The following DSCAM variants were observed in gnomAD, a reference collection of about 807,000 sequenced individuals.
DSCAM encodes cell adhesion molecule DSCAM.
A neutral mutation model predicts 217.7 loss-of-function variants in DSCAM; 47 were observed. The ratio of observed to expected loss-of-function variants is 0.22; its 90% CI spans 0.17 to 0.28. DSCAM has a LOEUF of 0.28. Among genes scored for constraint, DSCAM ranks in the 10% least tolerant of loss-of-function variants. The pLI is 1.00. For missense variants in DSCAM, 2,080 were observed against 2,618.3 expected (o/e 0.79, Z 4.49); for synonymous variants, 1,056 against 1,015.3 (o/e 1.04, Z -0.76).
At chr21:40,254,953 A>G (rs7275829) in intron 11 of DSCAM, among the ~76,000 whole-genome samples, 14,027 of 151,994 alleles carry the variant, frequency 0.092, 1,498 homozygotes, top group African/African-American at 0.24. Flanking sequence ...TCATCTGCTG[A>G]TATGATTAAT....
At chr21:40,542,023 A>T (rs2076546428) in intron 3 of DSCAM, among the ~76,000 whole-genome samples, 1 of 152,226 alleles carries the variant, frequency 6.6e-6, no homozygotes, top group Non-Finnish European at 1.5e-5. Context: ...TACACAAAAG[A>T]GCATGGAGAA....
chr21:40,619,208 T>C (rs991463285), intron 3 of DSCAM, among the ~76,000 whole-genome samples: 1 of 152,200 alleles, frequency 6.6e-6, no homozygotes, highest in African/African-American at 2.4e-5. Flanking sequence ...CATTCTGAGA[T>C]GAATGTCAGA....
chr21:40,612,568 G>A (rs1374783010), intron 3 of DSCAM, among the ~76,000 whole-genome samples: 3 of 152,176 alleles, frequency 2.0e-5, no homozygotes, highest in Admixed American at 6.5e-5. Flanking sequence ...AGAGGTCCTA[G>A]GCATCCTGGA....
At chr21:40,580,570 T>G (rs1275209879) in intron 3 of DSCAM, among the ~76,000 whole-genome samples, 2 of 151,496 alleles carry the variant, frequency 1.3e-5, no homozygotes, top group African/African-American at 2.4e-5. Context: ...CTGAGAACGT[T>G]AAAAAGAAGG....
intron 6 of DSCAM, among the ~76,000 whole-genome samples, chr21:40,341,642 G>A (rs1166546551): frequency 6.6e-6 from 1 of 152,168 alleles, no homozygotes; most frequent in Non-Finnish European, 1.5e-5. Context: ...CTTAGGATGT[G>A]CTGGTTTTGC....
chr21:40,134,071 G>T (rs76206312), intron 18 of DSCAM, 62 bp from the exon 19 acceptor site: 21 of 1,552,368 alleles, frequency 1.4e-5, no homozygotes, highest in Admixed American at 1.9e-5. Flanking sequence ...TCGTTTTTCC[G>T]CACTGTCCCC....
intron 10 of DSCAM, among the ~76,000 whole-genome samples, chr21:40,284,723 G>A (rs946490019): frequency 4.6e-5 from 7 of 152,290 alleles, no homozygotes; most frequent in East Asian, 3.9e-4. Context: ...TTAAAGGGCC[G>A]CGCAGTTTGT....
rs1181483451 is a variant in DSCAM at position 40,024,477 on chromosome 21, C to T, written c.5687-11091G>A. 5.2e-5 allele frequency among the ~76,000 whole-genome samples: 4 copies of T among 76,352 alleles called. 2 individuals are homozygous for T. Among genetic ancestry groups the T allele is most frequent in the Non-Finnish European group, 1.1e-4 (4 of 35,026 alleles). The allele number at this position is 76,352 out of a possible 152,430, so 50.1% of individuals were successfully genotyped here. A position where few individuals can be genotyped will look rare whatever the true frequency, so the allele number is the denominator to read the frequency against. ...ACCTTGGGCAGTATGGCCATTTTCA[C>T]GATATTGATTCTTCCTACCCATGAG... On this transcript the variant is annotated intron_variant, in intron 32 of 32. Transcript: ENST00000400454.
At chr21:40,222,680 G>T (rs1260270242) in intron 11 of DSCAM, among the ~76,000 whole-genome samples, 5 of 151,764 alleles carry the variant, frequency 3.3e-5, no homozygotes, top group Admixed American at 1.3e-4. Flanking sequence ...TCTAAAAATA[G>T]TTTATTAAGA....
At chr21:40,739,353 T>C (rs1229987018) in intron 1 of DSCAM, among the ~76,000 whole-genome samples, 1 of 152,168 alleles carries the variant, frequency 6.6e-6, no homozygotes, top group Non-Finnish European at 1.5e-5. Context: ...ATGTATTCTT[T>C]GACAACAACT....
intron 3 of DSCAM, among the ~76,000 whole-genome samples, chr21:40,394,858 G>C (rs755666632): frequency 4.6e-5 from 7 of 152,170 alleles, no homozygotes; most frequent in Non-Finnish European, 1.0e-4. Context: ...TACTAAGAGA[G>C]ATTAGGATAG....
chr21:40,386,137 C>CTTTTTTTATT, intron 3 of DSCAM, among the ~76,000 whole-genome samples: 1 of 152,310 alleles, frequency 6.6e-6, no homozygotes, highest in African/African-American at 2.4e-5. Flanking sequence ...GATCTTAACA[C>CTTTTTTTATT]TGTGCTTTTA....
intron 1 of DSCAM, among the ~76,000 whole-genome samples, chr21:40,754,200 T>C (rs2091254083): frequency 6.6e-6 from 1 of 152,204 alleles, no homozygotes; most frequent in African/African-American, 2.4e-5. Context: ...GTTCTCCTGA[T>C]TTTATCAGCA....
intron 19 of DSCAM, among the ~76,000 whole-genome samples, chr21:40,126,299 A>G (rs2090093043): frequency 6.6e-6 from 1 of 151,998 alleles, no homozygotes; most frequent in Non-Finnish European, 1.5e-5. Context: ...GAGGGAAGGA[A>G]GAAGGGAAGA....
intron 10 of DSCAM, among the ~76,000 whole-genome samples, chr21:40,292,936 C>G (rs564248312): frequency 4.6e-5 from 7 of 152,064 alleles, no homozygotes; most frequent in Non-Finnish European, 1.0e-4. Flanking sequence ...CGGGGTTTCA[C>G]CGTGTTAGCC....
chr21:40,232,887 T>C (rs763490283), intron 11 of DSCAM, among the ~76,000 whole-genome samples: 5 of 152,100 alleles, frequency 3.3e-5, no homozygotes, highest in Non-Finnish European at 7.4e-5. Context: ...TTATAAGTTA[T>C]TAAGATGCCC....
chr21:40,760,252 A>C (rs2091319489), intron 1 of DSCAM, among the ~76,000 whole-genome samples: 4 of 152,056 alleles, frequency 2.6e-5, no homozygotes, highest in Admixed American at 2.0e-4. Flanking sequence ...TCTTGACCTC[A>C]TGATCTGCCC....
chr21:40,113,836 C>T (rs1267968549), intron 20 of DSCAM, among the ~76,000 whole-genome samples: 1 of 152,040 alleles, frequency 6.6e-6, no homozygotes, highest in African/African-American at 2.4e-5. Flanking sequence ...AATAAAATAC[C>T]TAGGAATCCA....
At chr21:40,680,968 T>G (rs1016117531) in intron 3 of DSCAM, among the ~76,000 whole-genome samples, 4 of 152,214 alleles carry the variant, frequency 2.6e-5, no homozygotes, top group Non-Finnish European at 4.4e-5. Context: ...CAATACAACT[T>G]TGCAAATAGA....
Sources: allele counts gnomAD v4.1 joint callset (sites outside exome capture counted in the v4.1 genomes callset), GRCh38; gene constraint gnomAD v4.1.1; transcripts MANE v1.5; gene names NCBI Gene and HGNC (gene_info 2026-07-23, HGNC 2026-07-21).